The following VAT1L variants were observed in gnomAD, a reference collection of about 807,000 sequenced individuals.
The protein encoded by VAT1L is vesicle amine transport 1 like.
Under a neutral mutation model 44.1 loss-of-function variants are expected in VAT1L, and 34 were observed. That is an observed-to-expected ratio of 0.77 (90% CI 0.59 to 1.03). VAT1L has a LOEUF of 1.03. Among genes scored for constraint, VAT1L ranks in the 50% least tolerant of loss-of-function variants. The probability of loss-of-function intolerance (pLI) is 0.00; values close to 1 mark genes in which losing one functional copy is unlikely to be tolerated. For synonymous variants in VAT1L, 253 were observed against 202.2 expected (o/e 1.25, Z -2.13); for missense variants, 615 against 538.8 (o/e 1.14, Z -1.40).
chr16:77,811,552 G>T (rs924768618), intron 1 of VAT1L, among the ~76,000 whole-genome samples: 6 of 152,290 alleles, frequency 3.9e-5, no homozygotes, highest in South Asian at 4.1e-4. Context: ...TATATTCCCA[G>T]TTCTGGTACG....
chr16:77,876,277 G>T, intron 4 of VAT1L, 93 bp from the exon 5 acceptor site: 2 of 1,142,058 alleles, frequency 1.8e-6, no homozygotes, highest in Admixed American at 3.5e-5. Flanking sequence ...TCCTAATTCT[G>T]AGAGTCAGAC....
intron 7 of VAT1L, among the ~76,000 whole-genome samples, chr16:77,953,131 A>C (rs2018063605): frequency 6.6e-6 from 1 of 152,164 alleles, no homozygotes; most frequent in Non-Finnish European, 1.5e-5. Flanking sequence ...CTCCAAGCCA[A>C]GGGCCACCAA....
intron 3 of VAT1L, among the ~76,000 whole-genome samples, chr16:77,853,479 A>G (rs976293993): frequency 6.6e-6 from 1 of 152,208 alleles, no homozygotes; most frequent in African/African-American, 2.4e-5. Flanking sequence ...TCCAGGTTTT[A>G]AATAAAATAC....
chr16:77,796,022 C>T (rs796589651), intron 1 of VAT1L, among the ~76,000 whole-genome samples: 107 of 152,072 alleles, frequency 7.0e-4, no homozygotes, highest in Middle Eastern at 3.4e-3. Flanking sequence ...GACAGGGTTT[C>T]GCCATGTTGG....
intron 7 of VAT1L, among the ~76,000 whole-genome samples, chr16:77,968,483 T>C (rs2018246650): frequency 6.6e-6 from 1 of 152,076 alleles, no homozygotes; most frequent in African/African-American, 2.4e-5. Flanking sequence ...CCCAGCACTT[T>C]GGGAGGCCAA....
chr16:77,819,482 A>G (rs1658563121), intron 2 of VAT1L, among the ~76,000 whole-genome samples: 1 of 152,002 alleles, frequency 6.6e-6, no homozygotes, highest in South Asian at 2.1e-4. Flanking sequence ...CCCGGTTTCA[A>G]GTGATTCTCC....
At chr16:77,910,974 G>A (rs1365522954) in intron 7 of VAT1L, among the ~76,000 whole-genome samples, 8 of 152,312 alleles carry the variant, frequency 5.3e-5, no homozygotes, top group African/African-American at 7.2e-5. Context: ...AACTTTCCCA[G>A]AGTCACATTG....
rs551705505 is a variant in VAT1L at position 77,795,586 on chromosome 16, T to C, written c.233+6671T>C. ...TAACCTGGGATCAAAAGGAAGAGCC[T>C]GAAGGAAGAGCAGGAATGAAGGTGG... On this transcript the variant is annotated intron_variant, in intron 1 of 8. Coordinates refer to ENST00000302536, the MANE Select transcript of VAT1L (RefSeq NM_020927.3). 1.7e-4 allele frequency among the ~76,000 whole-genome samples: 26 copies of C among 152,236 alleles called. No homozygotes were observed. The South Asian group carries it at 5.4e-3, about 32-fold the overall frequency.
intron 7 of VAT1L, among the ~76,000 whole-genome samples, chr16:77,965,021 C>A (rs1185101417): frequency 2.0e-5 from 3 of 152,034 alleles, no homozygotes; most frequent in African/African-American, 7.2e-5. Context: ...AACTCCCGAC[C>A]TCAGGTGATT....
intron 7 of VAT1L, among the ~76,000 whole-genome samples, chr16:77,960,625 T>C (rs556441068): frequency 7.2e-5 from 11 of 152,288 alleles, no homozygotes; most frequent in South Asian, 2.1e-4. Context: ...CAGGATCTCA[T>C]TGGCCAAAGC....
chr16:77,866,990 G>A (rs2016981751), intron 4 of VAT1L, among the ~76,000 whole-genome samples: 1 of 152,146 alleles, frequency 6.6e-6, no homozygotes, highest in African/African-American at 2.4e-5. Context: ...TCCACACAAG[G>A]GAATCTTGGA....
At chr16:77,916,530 T>C (rs976128129) in intron 7 of VAT1L, among the ~76,000 whole-genome samples, 3 of 152,240 alleles carry the variant, frequency 2.0e-5, no homozygotes, top group Non-Finnish European at 1.5e-5. Context: ...TTGACCAGGC[T>C]GGTCTCAAAC....
intron 7 of VAT1L, chr16:77,892,457 C>A (rs530652532): frequency 8.0e-6 from 4 of 501,404 alleles, no homozygotes; most frequent in East Asian, 5.1e-5. Context: ...GTTGACAGTG[C>A]GGTTGATGGT....
At chr16:77,934,394 T>A (rs2017768032) in intron 7 of VAT1L, among the ~76,000 whole-genome samples, 1 of 151,980 alleles carries the variant, frequency 6.6e-6, no homozygotes, top group African/African-American at 2.4e-5. Flanking sequence ...ACAGGTGTGA[T>A]TAAGTTAAGA....
chr16:77,912,223 G>A (rs2017506335), intron 7 of VAT1L, among the ~76,000 whole-genome samples: 1 of 152,188 alleles, frequency 6.6e-6, no homozygotes. Flanking sequence ...TTCAACATCA[G>A]TTGCCTTATC....
chr16:77,937,698 G>A (rs975317005), intron 7 of VAT1L, among the ~76,000 whole-genome samples: 1 of 152,222 alleles, frequency 6.6e-6, no homozygotes, highest in Non-Finnish European at 1.5e-5. Context: ...TAGGCCAGTT[G>A]GAGTTTTGCC....
At chr16:77,875,742 C>T (rs75461607) in intron 4 of VAT1L, among the ~76,000 whole-genome samples, 2,774 of 152,280 alleles carry the variant, frequency 0.018, 81 homozygotes, top group African/African-American at 0.064. Flanking sequence ...TAACCCTCTT[C>T]CTCTCAGAGT....
intron 1 of VAT1L, among the ~76,000 whole-genome samples, chr16:77,789,586 TAGGAAGGAAG>T (rs1038813774): frequency 2.6e-5 from 4 of 152,108 alleles, no homozygotes; most frequent in African/African-American, 9.7e-5. Context: ...GGAAAGGAAC[TAGGAAGGAAG>T]AGGGTCGGTA....
intron 3 of VAT1L, among the ~76,000 whole-genome samples, chr16:77,840,012 T>C (rs1224433305): frequency 9.5e-6 from 1 of 104,960 alleles, no homozygotes; most frequent in African/African-American, 4.0e-5. Flanking sequence ...GTGATCTTAA[T>C]CAAGCTGCTT....
Sources: allele counts gnomAD v4.1 joint callset (sites outside exome capture counted in the v4.1 genomes callset), GRCh38; gene constraint gnomAD v4.1.1; transcripts MANE v1.5; gene names NCBI Gene and HGNC (gene_info 2026-07-23, HGNC 2026-07-21).